Variants in DDAH1 observed in about 807,000 individuals in gnomAD.
DDAH1 encodes the protein N(G),N(G)-dimethylarginine dimethylaminohydrolase 1.
In DDAH1, 19 loss-of-function variants were observed where a neutral mutation model predicts 28.8. The observed-to-expected ratio is 0.66, with a 90% CI of 0.46 to 0.97. The LOEUF (loss-of-function observed/expected upper bound fraction) is 0.97, where lower values mean the gene tolerates loss of function less well. DDAH1 is among the 50% of genes least tolerant of loss of function. The probability of loss-of-function intolerance (pLI) is 0.00; values close to 1 mark genes in which losing one functional copy is unlikely to be tolerated. For missense variants in DDAH1, 326 were observed against 375.9 expected (o/e 0.87, Z 1.10); for synonymous variants, 153 against 154.4 (o/e 0.99, Z 0.07).
rs1049322596 is a variant in DDAH1 at position 85,464,518 on chromosome 1, A to G, written c.303+225T>C. 1.4e-6 allele frequency: 2 copies of G among 1,469,280 alleles called. No individual in the cohort carries two copies. Among genetic ancestry groups the G allele is most frequent in the Non-Finnish European group, 1.8e-6 (2 of 1,107,770 alleles). The allele number at this position is 1,469,280 out of a possible 1,614,324, so 91.0% of individuals were successfully genotyped here. On this transcript the variant is annotated intron_variant, in intron 1 of 5. Coordinates refer to ENST00000284031, the MANE Select transcript of DDAH1 (RefSeq NM_012137.4). The surrounding 1 kb of genome is among the most constrained non-coding windows in gnomAD (Gnocchi z 4.4). Reference sequence around the variant, plus strand: ...CACCTGCCCGAGACCGTACAACCACATTGAATCGGATCCTCCAGAAGGCTG... The same window carrying G: ...CACCTGCCCGAGACCGTACAACCACGTTGAATCGGATCCTCCAGAAGGCTG...
At chr1:85,483,211 C>T (rs1367525013) in intron 2 of DDAH1, among the ~76,000 whole-genome samples, 3 of 96,954 alleles carry the variant, frequency 3.1e-5, no homozygotes, top group Non-Finnish European at 6.6e-5. Flanking sequence ...GAGACTATCT[C>T]AAAAAAAAAA....
intron 1 of DDAH1, among the ~76,000 whole-genome samples, chr1:85,421,784 T>A (rs1653151151): frequency 6.6e-6 from 1 of 152,258 alleles, no homozygotes; most frequent in Non-Finnish European, 1.5e-5. Flanking sequence ...TTTCTTATGA[T>A]GAAAAATATT....
chr1:85,436,792 T>A (rs1288131571), intron 1 of DDAH1, among the ~76,000 whole-genome samples: 2 of 152,138 alleles, frequency 1.3e-5, no homozygotes, highest in African/African-American at 4.8e-5. Context: ...AGGGTCACAG[T>A]TGTGAAGCGG....
intron 1 of DDAH1, among the ~76,000 whole-genome samples, chr1:85,395,146 G>C (rs1272996007): frequency 6.6e-6 from 1 of 152,002 alleles, no homozygotes; most frequent in Non-Finnish European, 1.5e-5. Context: ...CTAATTCAAA[G>C]GTTAAAGGCT....
At chr1:85,472,725 A>G (rs1655658481) in intron 2 of DDAH1, among the ~76,000 whole-genome samples, 1 of 152,158 alleles carries the variant, frequency 6.6e-6, no homozygotes, top group African/African-American at 2.4e-5. Context: ...TGTTGCTCCA[A>G]ACTTTTTTTT....
At chr1:85,381,787 CCAA>C (rs1414048509) in intron 1 of DDAH1, among the ~76,000 whole-genome samples, 1 of 152,082 alleles carries the variant, frequency 6.6e-6, no homozygotes, top group Non-Finnish European at 1.5e-5. Context: ...TGCCATTCTT[CCAA>C]CAGCATGTGC....
intron 1 of DDAH1, among the ~76,000 whole-genome samples, chr1:85,387,444 C>A (rs1420655739): frequency 1.3e-5 from 2 of 152,168 alleles, no homozygotes; most frequent in Non-Finnish European, 2.9e-5. Context: ...TTCCACAAAT[C>A]CCTAGGACAT....
chr1:85,417,231 G>T (rs1002833599), intron 1 of DDAH1, among the ~76,000 whole-genome samples: 1 of 152,182 alleles, frequency 6.6e-6, no homozygotes, highest in Non-Finnish European at 1.5e-5. Flanking sequence ...GAAGCACAGC[G>T]TGCAGCCAGG....
intron 5 of DDAH1, among the ~76,000 whole-genome samples, chr1:85,322,978 A>G (rs1218975151): frequency 2.6e-5 from 4 of 151,898 alleles, no homozygotes; most frequent in Non-Finnish European, 1.5e-5. Context: ...ATTTTTAGCA[A>G]CCCTGATGTG....
chr1:85,486,661 G>A (rs1007888828), intron 2 of DDAH1, among the ~76,000 whole-genome samples: 1 of 152,158 alleles, frequency 6.6e-6, no homozygotes. Context: ...TGATAGAAAG[G>A]ACAAGCACAT....
At chr1:85,450,956 G>C (rs1250517415) in intron 1 of DDAH1, among the ~76,000 whole-genome samples, 1 of 152,150 alleles carries the variant, frequency 6.6e-6, no homozygotes, top group Admixed American at 6.6e-5. Context: ...TTATAAAAAG[G>C]GTAGTACCTT....
intron 1 of DDAH1, among the ~76,000 whole-genome samples, chr1:85,410,273 C>G (rs963074150): frequency 6.6e-6 from 1 of 151,856 alleles, no homozygotes; most frequent in Non-Finnish European, 1.5e-5. Context: ...AGAGTGAGAC[C>G]CTTTCTCAAG....
chr1:85,525,667 C>T (rs1657844584), intron 1 of DDAH1, among the ~76,000 whole-genome samples: 1 of 151,946 alleles, frequency 6.6e-6, no homozygotes, highest in South Asian at 2.1e-4. Context: ...TGGAGACTAG[C>T]AGGACACATA....
At chr1:85,412,322 C>T (rs1346160501) in intron 1 of DDAH1, among the ~76,000 whole-genome samples, 1 of 152,178 alleles carries the variant, frequency 6.6e-6, no homozygotes, top group Non-Finnish European at 1.5e-5. Flanking sequence ...TGTTAGAACA[C>T]ACTGAATTTC....
At chr1:85,358,899 A>G (rs767297565) in intron 1 of DDAH1, 52 bp from the exon 2 acceptor site, 5 of 1,368,462 alleles carry the variant, frequency 3.7e-6, no homozygotes, top group Non-Finnish European at 5.1e-6. Flanking sequence ...CCTAACAAGA[A>G]AAAAACATCC....
chr1:85,462,547 G>A (rs772535080), intron 1 of DDAH1, among the ~76,000 whole-genome samples: 1 of 152,136 alleles, frequency 6.6e-6, no homozygotes, highest in South Asian at 2.1e-4. Context: ...AAAATATACA[G>A]CAATCCATAG....
chr1:85,357,113 A>G (rs1203192106), intron 2 of DDAH1, among the ~76,000 whole-genome samples: 1 of 152,244 alleles, frequency 6.6e-6, no homozygotes, highest in Admixed American at 6.5e-5. Flanking sequence ...AAAGAATGAA[A>G]GTGCCATCAA....
intron 1 of DDAH1, chr1:85,399,462 G>A (rs1360741691): frequency 6.6e-6 from 1 of 152,226 alleles, no homozygotes; most frequent in Non-Finnish European, 1.5e-5. Context: ...ACTGAAAGGG[G>A]AAAATTGTTA....
At position 85,358,791 on chromosome 1, in the gene DDAH1, T is replaced by C; in HGVS notation, c.360A>G (p.Lys120=). ...CGCCATCTAAAGTTGCATTTTCATC[T>C]TTCATCTCTACTATATTGAGCTGAA... The part of the protein sequence containing the change: ...EKLQLNIVEM[K]DENATLDGGD... Residue 120 remains lysine, a synonymous_variant, in exon 2 of 6, where the codon AAA becomes AAG. Transcript: ENST00000284031. The C allele has an allele frequency of 1.2e-6, 2 of 1,612,984 alleles. No homozygotes were observed. The highest frequency in any genetic ancestry group is 2.2e-5 in the South Asian group (2 of 90,720).
Sources: gnomAD v4.1 joint callset for allele counts (sites outside exome capture counted in the v4.1 genomes callset) on GRCh38, gnomAD v4.1.1 for gene constraint, Gnocchi (gnomAD v3.1) non-coding constraint, MANE v1.5 for transcripts, NCBI Gene and HGNC (gene_info 2026-07-23, HGNC 2026-07-21) for gene names.